The following BECN1 variants were observed in gnomAD, a reference collection of about 807,000 sequenced individuals.
The protein encoded by BECN1 is beclin-1.
BECN1 carries 15 observed loss-of-function variants against 60.1 expected under a neutral mutation model. The observed-to-expected ratio is 0.25, with a 90% CI of 0.17 to 0.38. BECN1 has a LOEUF of 0.38. BECN1 is among the 10% of genes least tolerant of loss of function. The pLI is 1.00. For synonymous variants in BECN1, 179 were observed against 201.8 expected (o/e 0.89, Z 0.96); for missense variants, 424 against 548.2 (o/e 0.77, Z 2.26).
In BECN1 at chr17:42,823,878, C is replaced by T. The variant is rs1223565179; in HGVS notation, c.-1G>A. 1.2e-6 allele frequency: 2 copies of T among 1,612,846 alleles called. No homozygotes were observed. Among genetic ancestry groups the T allele is most frequent in the Non-Finnish European group, 1.7e-6 (2 of 1,179,176 alleles). On this transcript the variant is annotated splice_region_variant and 5_prime_UTR_variant, in exon 2 of 12. Transcript: ENST00000590099. Reference sequence around the variant, plus strand: ...TGTTGGACGTCTTAGACCCTTCCATCCCTGAGGCCGTGGAAAAGAGGCAAC... The same window carrying T: ...TGTTGGACGTCTTAGACCCTTCCATTCCTGAGGCCGTGGAAAAGAGGCAAC...
chr17:42,814,824 G>T, intron 8 of BECN1, 151 bp from the exon 9 acceptor site: 1 of 975,584 alleles, frequency 1.0e-6, no homozygotes. Context: ...TCCAAAACTT[G>T]AGTCATCATC....
At chr17:42,815,733 A>G (rs1289956985) in intron 8 of BECN1, 175 bp downstream of exon 8, 1 of 806,924 alleles carries the variant, frequency 1.2e-6, no homozygotes, top group Non-Finnish European at 2.0e-6. Context: ...GGATGTCACC[A>G]AGCTCTAGAA....
chr17:42,817,063 G>C (rs1314109394), intron 7 of BECN1, among the ~76,000 whole-genome samples: 1 of 152,114 alleles, frequency 6.6e-6, no homozygotes, highest in East Asian at 1.9e-4. Flanking sequence ...GGGAGGCTGA[G>C]GCAGGTGGAT....
chr17:42,814,445 T>C lies in BECN1; in HGVS notation c.980+79A>G, dbSNP rs116427120. ...CTGTGGGCAGCAAGGGCTCCTGACA[T>C]GGTGGACAGCAGTACCAGGTTGGAG... On this transcript the variant is annotated intron_variant, in intron 9 of 11. Coordinates refer to ENST00000590099, the MANE Select transcript of BECN1 (RefSeq NM_001313998.2). 1.8e-3 allele frequency: 2,805 copies of C among 1,572,400 alleles called. 47 individuals carry two copies. In the African/African-American group the frequency reaches 0.031, roughly 17 times the overall value.
In BECN1 at chr17:42,819,521, G is replaced by C. The variant is rs542223807; in HGVS notation, c.260+27C>G. ...TAAAATTCTACTAGCCTTTGGCAAGGAATGGGGGCTGAGAAGTAGTAGGCA... is the reference window on the plus strand; with the variant it reads ...TAAAATTCTACTAGCCTTTGGCAAGCAATGGGGGCTGAGAAGTAGTAGGCA... On this transcript the variant is annotated intron_variant, in intron 4 of 11. Transcript: ENST00000590099. 89 of 1,611,070 alleles carry C rather than the reference G, an allele frequency of 5.5e-5. No homozygotes were observed. The South Asian group carries it at 9.0e-4, about 16-fold the overall frequency.
At chr17:42,819,192 G>C in intron 4 of BECN1, 1 of 464,956 alleles carries the variant, frequency 2.2e-6, no homozygotes, top group East Asian at 3.5e-5. Context: ...TATACCCCTT[G>C]CCAGCAAGCT....
At chr17:42,813,106 A>G (rs574183764) in intron 10 of BECN1, among the ~76,000 whole-genome samples, 98 of 151,104 alleles carry the variant, frequency 6.5e-4, no homozygotes, top group African/African-American at 2.2e-3. Context: ...GGCCTCCCAA[A>G]GTGCTGGGAT....
At chr17:42,814,828 CA>C in intron 8 of BECN1, 155 bp from the exon 9 acceptor site, 1 of 953,602 alleles carries the variant, frequency 1.0e-6, no homozygotes, top group Non-Finnish European at 1.5e-6. Flanking sequence ...AAACTTGAGT[CA>C]TCATCTTTTT....
chr17:42,811,093 A>C (rs1195991560), intron 11 of BECN1, 165 bp from the exon 12 acceptor site: 5 of 649,942 alleles, frequency 7.7e-6, no homozygotes, highest in Non-Finnish European at 1.2e-5. Flanking sequence ...AAAATCAAGA[A>C]GACTGTCACA....
intron 10 of BECN1, chr17:42,812,957 C>G (rs2055059297): frequency 6.8e-6 from 1 of 147,096 alleles, no homozygotes; most frequent in Non-Finnish European, 1.5e-5. Flanking sequence ...GCCACTGCCT[C>G]CCGAGTAGCT....
chr17:42,816,557 T>A (rs1173736916), intron 7 of BECN1, among the ~76,000 whole-genome samples: 1 of 147,352 alleles, frequency 6.8e-6, no homozygotes, highest in Non-Finnish European at 1.5e-5. Flanking sequence ...GAGGCTGAAG[T>A]GGCAGAATTG....
chr17:42,811,594 C>T, intron 11 of BECN1, 61 bp downstream of exon 11: 2 of 1,553,932 alleles, frequency 1.3e-6, no homozygotes, highest in South Asian at 2.4e-5. Context: ...ATTATTACTG[C>T]TGCTTCAATT....
At chr17:42,818,141 T>C in intron 7 of BECN1, 80 bp downstream of exon 7, 10 of 1,469,020 alleles carry the variant, frequency 6.8e-6, no homozygotes, top group Non-Finnish European at 9.3e-6. Context: ...GTTTACAAAC[T>C]ATTCAGACAC....
intron 4 of BECN1, 177 bp downstream of exon 4, chr17:42,819,371 A>G (rs1246690565): frequency 3.2e-6 from 2 of 632,878 alleles, no homozygotes; most frequent in African/African-American, 3.7e-5. Context: ...CAGCTACAGG[A>G]AAAAATCCAT....
intron 8 of BECN1, 25 bp from the exon 9 acceptor site, chr17:42,814,698 G>A (rs1274030440): frequency 5.0e-6 from 8 of 1,613,180 alleles, no homozygotes; most frequent in Non-Finnish European, 6.8e-6. Flanking sequence ...AGAAAGGTGG[G>A]GGGAAATACA....
rs769533035 is a variant in BECN1 at position 42,814,629 on chromosome 17, C to T, written c.875G>A (p.Arg292His). The change falls in exon 9 of 12, where the codon CGC (arginine) becomes CAC (histidine). Residue 292 changes from arginine to histidine, a missense_variant. Coordinates refer to ENST00000590099, the MANE Select transcript of BECN1 (RefSeq NM_001313998.2). ...FGTINNFRLG[R>H]LPSVPVEWNE... Reference sequence around the variant, plus strand: ...CCATTCCACGGGAACACTGGGCAGGCGACCCAGCCTGAAGTTATTGATTGT... The same window carrying T: ...CCATTCCACGGGAACACTGGGCAGGTGACCCAGCCTGAAGTTATTGATTGT... 11 of 1,614,006 alleles carry T rather than the reference C, an allele frequency of 6.8e-6. No homozygotes were observed. The highest frequency in any genetic ancestry group is 4.0e-5 in the African/African-American group (3 of 74,896).
At chr17:42,815,775 A>T in intron 8 of BECN1, 133 bp downstream of exon 8, 1 of 1,176,122 alleles carries the variant, frequency 8.5e-7, no homozygotes, top group Non-Finnish European at 1.2e-6. Context: ...TCCCATCACT[A>T]TGAATGAAAG....
chr17:42,813,303 G>A (rs2055072754), intron 10 of BECN1, among the ~76,000 whole-genome samples: 1 of 151,910 alleles, frequency 6.6e-6, no homozygotes. Flanking sequence ...GGGAGGCTGA[G>A]GCGGGTGGAT....
rs114715495 is a variant in BECN1, at chr17:42,815,781, G to A, written c.830+127C>T. 2.5e-3 allele frequency: 3,179 copies of A among 1,257,442 alleles called. 50 individuals are homozygous for A. In the African/African-American group the frequency reaches 0.041, roughly 16 times the overall value. 77.9% of individuals were successfully genotyped at this position (1,257,442 alleles called of 1,614,324 possible). ...CTGTGCCTATCCCATCACTATGAAT[G>A]AAAGAAACCTAGTTGGGTGAAGATA... On this transcript the variant is annotated intron_variant, in intron 8 of 11. Transcript: ENST00000590099.
Sources: gnomAD v4.1 joint callset for allele counts (sites outside exome capture counted in the v4.1 genomes callset) on GRCh38, gnomAD v4.1.1 for gene constraint, MANE v1.5 for transcripts, NCBI Gene and HGNC (gene_info 2026-07-23, HGNC 2026-07-21) for gene names.